ANAPC16: variants seen among roughly 807,000 people sequenced by gnomAD.
ANAPC16 encodes the protein anaphase promoting complex subunit 16.
ANAPC16 carries 6 observed loss-of-function variants against 13.1 expected under a neutral mutation model. That is an observed-to-expected ratio of 0.46 (90% CI 0.25 to 0.90). The LOEUF is 0.90. ANAPC16 is among the 40% of genes least tolerant of loss of function. ANAPC16 has a pLI of 0.18. For missense variants in ANAPC16, 113 were observed against 131.1 expected, an observed-to-expected ratio of 0.86 and a Z score of 0.67; for synonymous variants, 55 against 51.3, an observed-to-expected ratio of 1.07 and a Z score of -0.31.
intron 2 of ANAPC16, among the ~76,000 whole-genome samples, chr10:72,229,018 C>G (rs1035922263): frequency 1.3e-5 from 2 of 151,574 alleles, no homozygotes; most frequent in African/African-American, 4.9e-5. Flanking sequence ...GGGAGGTAAA[C>G]TCTAATTGTC....
intron 2 of ANAPC16, among the ~76,000 whole-genome samples, chr10:72,227,512 A>C (rs914636205): frequency 1.3e-5 from 2 of 152,178 alleles, no homozygotes; most frequent in African/African-American, 4.8e-5. Flanking sequence ...AATCTTAAGA[A>C]TATAAAGAGT....
At position 72,224,109 on chromosome 10, in the gene ANAPC16, A is replaced by T. The variant is rs1040218241; in HGVS notation, c.142+53A>T. 9.6e-6 allele frequency: 14 copies of T among 1,450,990 alleles called. No individual in the cohort carries two copies. The African/African-American group carries it at 1.8e-4, about 19-fold the overall frequency. The allele number at this position is 1,450,990 out of a possible 1,614,324, so 89.9% of individuals were successfully genotyped here. A position where few individuals can be genotyped will look rare whatever the true frequency, so the allele number is the denominator to read the frequency against. ...TGGATTCAGATCTGCAATGCATATT[A>T]ATTGTAAAGAAGCTATTAAGTGGAT... is the stretch of plus-strand genomic sequence containing the variant. On this transcript the variant is annotated intron_variant, in intron 2 of 3. Coordinates refer to ENST00000299381, the MANE Select transcript of ANAPC16 (RefSeq NM_173473.4).
Position 72,216,143 on chromosome 10 carries a change from G to A in ANAPC16, c.-28+5G>A, listed in dbSNP as rs1390838016. The A allele has an allele frequency of 1.7e-4, 26 of 152,792 alleles. No individual in the cohort carries two copies. The highest frequency in any genetic ancestry group is 1.6e-3 in the Admixed American group (25 of 15,314). The allele number at this position is 152,792 out of a possible 1,614,324, so 9.5% of individuals were successfully genotyped here. On this transcript the variant is annotated splice_donor_5th_base_variant and intron_variant, in intron 1 of 3. Coordinates refer to ENST00000299381, the MANE Select transcript of ANAPC16 (RefSeq NM_173473.4). Reference sequence around the variant, plus strand: ...GAAAGTGCTAAAGCCGCTGAGGTAAGAGGCCGAGGGGTCGAGGGCCCTCGG... The same window carrying A: ...GAAAGTGCTAAAGCCGCTGAGGTAAAAGGCCGAGGGGTCGAGGGCCCTCGG...
chr10:72,225,530 C>T (rs1350375985), intron 2 of ANAPC16, among the ~76,000 whole-genome samples: 1 of 151,852 alleles, frequency 6.6e-6, no homozygotes. Flanking sequence ...TGCATTGAGC[C>T]ATGATCATGC....
chr10:72,217,333 G>A (rs1859530712), intron 1 of ANAPC16, among the ~76,000 whole-genome samples: 1 of 151,978 alleles, frequency 6.6e-6, no homozygotes. Flanking sequence ...AAATTAGCCG[G>A]GTGTGGTGGC....
chr10:72,235,719 A>C lies in ANAPC16; in HGVS notation c.*2603A>C, dbSNP rs760370875. ...CCTTTCTCGTTTCATTTGTGTAACCATGCAGCATAGGCACTGTGTTACATC... is the reference window on the plus strand; with the variant it reads ...CCTTTCTCGTTTCATTTGTGTAACCCTGCAGCATAGGCACTGTGTTACATC... On this transcript the variant is annotated 3_prime_UTR_variant, in exon 4 of 4. Coordinates refer to ENST00000299381, the MANE Select transcript of ANAPC16 (RefSeq NM_173473.4). The C allele has an allele frequency of 4.6e-5, 7 of 152,244 alleles. No homozygotes were observed. The highest frequency in any genetic ancestry group is 7.3e-5 in the Non-Finnish European group (5 of 68,032). The allele number at this position is 152,244 out of a possible 1,614,324, so 9.4% of individuals were successfully genotyped here.
chr10:72,230,349 TC>T lies in ANAPC16; in HGVS notation c.143-16del, dbSNP rs781610547. On this transcript the variant is annotated splice_polypyrimidine_tract_variant and intron_variant, in intron 2 of 3. Transcript: ENST00000299381. ...ACCTTTAGAGCAGATTAAAACCTTT[TC>T]TCCTTTTGTTTGTAGATGGCTCTGA... is the stretch of plus-strand genomic sequence containing the variant. The T allele has an allele frequency of 6.2e-6, 10 of 1,611,054 alleles. No individual in the cohort carries two copies. The African/African-American group carries it at 6.7e-5, about 11-fold the overall frequency.
At position 72,218,166 on chromosome 10, in the gene ANAPC16, ATATATATATATATATAT is replaced by A. The variant is rs1291137902; in HGVS notation, c.-28+2029_-28+2045del. On this transcript the variant is annotated intron_variant, in intron 1 of 3. Transcript: ENST00000299381. ...GTCTCAAAAAAAAAAAAAAAAAAAAATATATATATATATATATATATATATATATATATATATATATA... is the reference window on the plus strand; with the variant it reads ...GTCTCAAAAAAAAAAAAAAAAAAAAAATATATATATATATATATATATATA... Among the ~76,000 whole-genome samples, 143 of 20,340 alleles carry A rather than the reference ATATATATATATATATAT, an allele frequency of 7.0e-3. 5 individuals are homozygous for A. The highest frequency in any genetic ancestry group is 0.01 in the South Asian group (4 of 390). The allele number at this position is 20,340 out of a possible 152,430, so 13.3% of individuals were successfully genotyped here. A position where few individuals can be genotyped will look rare whatever the true frequency, so the allele number is the denominator to read the frequency against.
At chr10:72,227,425 G>C (rs1455414450) in intron 2 of ANAPC16, among the ~76,000 whole-genome samples, 1 of 152,056 alleles carries the variant, frequency 6.6e-6, no homozygotes, top group Admixed American at 6.6e-5. Context: ...GCACAGTTTT[G>C]ATTGTGTTTC....
At position 72,233,971 on chromosome 10, in the gene ANAPC16, TA is replaced by T. The variant is rs1860400211; in HGVS notation, c.*856del. 1 of 152,140 alleles carries T rather than the reference TA, an allele frequency of 6.6e-6. No individual in the cohort carries two copies. Among genetic ancestry groups the T allele is most frequent in the African/African-American group, 2.4e-5 (1 of 41,408 alleles). The allele number at this position is 152,140 out of a possible 1,614,324, so 9.4% of individuals were successfully genotyped here. ...TTTACTTAAGGGATATTTGTCTTTA[TA>T]GGAGTACATAAATTTATCTTAATGA... On this transcript the variant is annotated 3_prime_UTR_variant, in exon 4 of 4. Coordinates refer to ENST00000299381, the MANE Select transcript of ANAPC16 (RefSeq NM_173473.4).
intron 2 of ANAPC16, among the ~76,000 whole-genome samples, chr10:72,224,303 G>A (rs1434382847): frequency 6.6e-6 from 1 of 152,030 alleles, no homozygotes; most frequent in Non-Finnish European, 1.5e-5. Context: ...AAAGTTAAGT[G>A]ATTTGACCAG....
intron 1 of ANAPC16, among the ~76,000 whole-genome samples, chr10:72,222,249 C>G (rs1341951048): frequency 2.0e-5 from 3 of 149,738 alleles, no homozygotes; most frequent in Non-Finnish European, 4.4e-5. Context: ...GAAACCCTGT[C>G]TCAACTAAAA....
chr10:72,219,741 C>G (rs1378512630), intron 1 of ANAPC16, among the ~76,000 whole-genome samples: 4 of 152,098 alleles, frequency 2.6e-5, no homozygotes, highest in Non-Finnish European at 5.9e-5. Context: ...TGTCTCCAAA[C>G]AAAATAAAAA....
In ANAPC16 at chr10:72,224,009, G is replaced by A. The variant is rs147690332; in HGVS notation, c.95G>A (p.Arg32Gln). The change falls in exon 2 of 4, where the codon CGG becomes CAG. Residue 32 changes from arginine (R) to glutamine (Q), a missense_variant. Physicochemically the swap from Arg to Gln is conservative, Grantham distance 43 (BLOSUM62 1). Transcript: ENST00000299381. ...AGTGTCTCAGACCTTGCCCCACCAC[G>A]GAAAGCCCTTTTCACCTACCCCAAA... ...GFSVSDLAPPRKALFTYPKGA... is the reference protein window; with the variant it reads ...GFSVSDLAPPQKALFTYPKGA... The A allele has an allele frequency of 2.6e-4, 426 of 1,611,632 alleles. 1 individual carries two copies. In the African/African-American group the frequency reaches 4.2e-3, roughly 16 times the overall value.
chr10:72,230,513 A>G (rs764261659), intron 3 of ANAPC16, 73 bp downstream of exon 3: 32 of 1,287,950 alleles, frequency 2.5e-5, no homozygotes, highest in Non-Finnish European at 3.6e-5. Flanking sequence ...TGTGACAAAA[A>G]TCCCCAAACT....
intron 1 of ANAPC16, among the ~76,000 whole-genome samples, chr10:72,218,145 CAAAAAAAAAAA>C (rs142932037): frequency 2.9e-5 from 1 of 34,878 alleles, no homozygotes; most frequent in South Asian, 1.3e-3. Context: ...AACTCTGTCT[CAAAAAAAAAAA>C]AAAAAAAAAA....
Position 72,223,682 on chromosome 10 carries a change from T to C in ANAPC16, c.-27-206T>C, listed in dbSNP as rs1317598696. The C allele has an allele frequency of 1.5e-5, 6 of 387,420 alleles. No individual in the cohort carries two copies. The South Asian group carries it at 3.0e-4, about 19-fold the overall frequency. The allele number at this position is 387,420 out of a possible 1,614,324, so 24.0% of individuals were successfully genotyped here. ...TAGGAATTCATGTTTTAAGTAGATA[T>C]ACTATTCTTAAGCATATTTTCAGTT... is the stretch of plus-strand genomic sequence containing the variant. On this transcript the variant is annotated intron_variant, in intron 1 of 3. Coordinates refer to ENST00000299381, the MANE Select transcript of ANAPC16 (RefSeq NM_173473.4).
intron 1 of ANAPC16, among the ~76,000 whole-genome samples, chr10:72,221,755 A>G (rs1345290513): frequency 1.2e-4 from 17 of 136,012 alleles, no homozygotes; most frequent in African/African-American, 4.7e-4. Context: ...TTTGAGACAG[A>G]GTCTCACTCT....
intron 1 of ANAPC16, chr10:72,220,463 G>T (rs1859875015): frequency 6.6e-6 from 1 of 151,870 alleles, no homozygotes; most frequent in Non-Finnish European, 1.5e-5. Flanking sequence ...CAGTCTAGGG[G>T]CAACATGGTG....
Sources: gnomAD v4.1 joint callset for allele counts (sites outside exome capture counted in the v4.1 genomes callset) on GRCh38, gnomAD v4.1.1 for gene constraint, MANE v1.5 for transcripts, NCBI Gene and HGNC (gene_info 2026-07-23, HGNC 2026-07-21) for gene names.